CNTNAP2: variants seen among roughly 807,000 people sequenced by gnomAD.
CNTNAP2 encodes the protein contactin associated protein 2, also known as contactin-associated protein-like 2.
A neutral mutation model predicts 155.2 loss-of-function variants in CNTNAP2; 98 were observed. That is an observed-to-expected ratio of 0.63 (90% confidence interval 0.54 to 0.75). The LOEUF is 0.75. Among genes scored for constraint, CNTNAP2 ranks in the 30% least tolerant of loss-of-function variants. The pLI, the probability that CNTNAP2 is intolerant of heterozygous loss-of-function variation, is 0.00. For synonymous variants in CNTNAP2, 651 were observed against 631.2 expected, an observed-to-expected ratio of 1.03 and a Z score of -0.47; for missense variants, 1,727 against 1,688.1, an observed-to-expected ratio of 1.02 and a Z score of -0.40.
intron 15 of CNTNAP2, among the ~76,000 whole-genome samples, chr7:148,103,869 C>T (rs1211693162): frequency 6.6e-6 from 1 of 152,146 alleles, no homozygotes; most frequent in African/African-American, 2.4e-5. Flanking sequence ...AACTGCAGCA[C>T]ATTTTGTAAA....
At chr7:146,756,981 G>T (rs1802005702) in intron 1 of CNTNAP2, among the ~76,000 whole-genome samples, 2 of 152,046 alleles carry the variant, frequency 1.3e-5, no homozygotes, top group Non-Finnish European at 2.9e-5. Flanking sequence ...ACTCAGAATT[G>T]TAAAATGTGA....
intron 14 of CNTNAP2, among the ~76,000 whole-genome samples, chr7:147,924,202 C>T (rs112880982): frequency 0.031 from 4,445 of 144,280 alleles, 243 homozygotes; most frequent in African/African-American, 0.11. Flanking sequence ...TGCAATGGCA[C>T]GATCGCAGCT....
intron 17 of CNTNAP2, among the ~76,000 whole-genome samples, chr7:148,162,321 T>G (rs894028561): frequency 3.3e-5 from 5 of 152,208 alleles, no homozygotes; most frequent in Admixed American, 1.3e-4. Flanking sequence ...ATATTTGACA[T>G]CTGGGTTTAT....
chr7:146,763,712 G>A (rs915679801), intron 1 of CNTNAP2, among the ~76,000 whole-genome samples: 4 of 152,098 alleles, frequency 2.6e-5, no homozygotes, highest in Non-Finnish European at 5.9e-5. Context: ...TGACATTTTG[G>A]TTTACATATT....
chr7:147,417,352 A>G (rs1563197041), intron 10 of CNTNAP2, among the ~76,000 whole-genome samples: 1 of 152,184 alleles, frequency 6.6e-6, no homozygotes, highest in Non-Finnish European at 1.5e-5. Context: ...CTTGCTTCCC[A>G]GGTCATGGAT....
chr7:146,180,292 C>T (rs530477554), intron 1 of CNTNAP2, among the ~76,000 whole-genome samples: 10 of 152,048 alleles, frequency 6.6e-5, no homozygotes, highest in Middle Eastern at 6.8e-3. Context: ...CTTTTTATTT[C>T]ATTTTTTTCT....
At chr7:146,460,625 T>C (rs1314186613) in intron 1 of CNTNAP2, among the ~76,000 whole-genome samples, 1 of 152,162 alleles carries the variant, frequency 6.6e-6, no homozygotes, top group Non-Finnish European at 1.5e-5. Flanking sequence ...CAATATGCAA[T>C]GAAATACTAT....
At chr7:148,317,702 C>A (rs1359157483) in intron 21 of CNTNAP2, among the ~76,000 whole-genome samples, 1 of 151,906 alleles carries the variant, frequency 6.6e-6, no homozygotes, top group Non-Finnish European at 1.5e-5. Context: ...GCCCTGAGCT[C>A]ATTTCTTTTT....
At chr7:148,179,061 G>A (rs921929933) in intron 18 of CNTNAP2, among the ~76,000 whole-genome samples, 1 of 152,162 alleles carries the variant, frequency 6.6e-6, no homozygotes, top group African/African-American at 2.4e-5. Flanking sequence ...CAGAGATTCT[G>A]GAAGATGCAA....
At chr7:146,498,644 C>T (rs1273152222) in intron 1 of CNTNAP2, among the ~76,000 whole-genome samples, 2 of 145,834 alleles carry the variant, frequency 1.4e-5, no homozygotes, top group Non-Finnish European at 3.0e-5. Context: ...ACACTGTGAA[C>T]GAAATAATAA....
intron 3 of CNTNAP2, among the ~76,000 whole-genome samples, chr7:146,865,368 G>GA (rs557607743): frequency 6.6e-6 from 1 of 151,826 alleles, no homozygotes; most frequent in South Asian, 2.1e-4. Flanking sequence ...AACTGGGTTT[G>GA]AAAAAAATTG....
At chr7:147,814,931 T>G (rs1235365283) in intron 13 of CNTNAP2, among the ~76,000 whole-genome samples, 1 of 152,118 alleles carries the variant, frequency 6.6e-6, no homozygotes, top group Non-Finnish European at 1.5e-5. Context: ...CTAGTAATAA[T>G]AATGTAGCTG....
At chr7:148,210,633 T>C (rs1450278918) in intron 18 of CNTNAP2, among the ~76,000 whole-genome samples, 2 of 152,212 alleles carry the variant, frequency 1.3e-5, no homozygotes, top group Admixed American at 1.3e-4. Flanking sequence ...TTTTCTCCAT[T>C]GTACAGATTC....
intron 13 of CNTNAP2, among the ~76,000 whole-genome samples, chr7:147,682,021 A>G (rs975561222): frequency 3.3e-5 from 5 of 151,864 alleles, no homozygotes; most frequent in Non-Finnish European, 1.5e-5. Context: ...AATAGAAAAT[A>G]TTGTATTAAT....
chr7:147,632,334 G>C (rs1287589339), intron 12 of CNTNAP2, among the ~76,000 whole-genome samples: 2 of 152,124 alleles, frequency 1.3e-5, no homozygotes, highest in African/African-American at 4.8e-5. Flanking sequence ...TTGAATTGTA[G>C]TTCCCATGAT....
chr7:146,399,362 T>G (rs1795681851), intron 1 of CNTNAP2, among the ~76,000 whole-genome samples: 1 of 152,194 alleles, frequency 6.6e-6, no homozygotes, highest in Non-Finnish European at 1.5e-5. Context: ...TGCAGCATTC[T>G]ACTTTCTAAT....
At chr7:147,833,910 C>T (rs1243326786) in intron 13 of CNTNAP2, among the ~76,000 whole-genome samples, 2 of 151,906 alleles carry the variant, frequency 1.3e-5, no homozygotes, top group Non-Finnish European at 2.9e-5. Flanking sequence ...AGCTGGGGAG[C>T]GAGGGACTAT....
At chr7:146,711,272 T>C (rs1413471431) in intron 1 of CNTNAP2, among the ~76,000 whole-genome samples, 2 of 146,912 alleles carry the variant, frequency 1.4e-5, no homozygotes, top group Non-Finnish European at 3.0e-5. Context: ...AAATATATAA[T>C]ATATAATAGA....
chr7:147,986,581 A>G (rs1447129726), intron 15 of CNTNAP2, among the ~76,000 whole-genome samples: 1 of 152,190 alleles, frequency 6.6e-6, no homozygotes, highest in Non-Finnish European at 1.5e-5. Context: ...GACTGGCCCA[A>G]GGTCTCAGAG....
Sources: allele counts gnomAD v4.1 joint callset (sites outside exome capture counted in the v4.1 genomes callset), GRCh38; gene constraint gnomAD v4.1.1; transcripts MANE v1.5; gene names NCBI Gene and HGNC (gene_info 2026-07-23, HGNC 2026-07-21).